Variants in KLHDC4 observed in about 807,000 individuals in gnomAD.
The protein encoded by KLHDC4 is kelch domain-containing protein 4.
In KLHDC4, 90 loss-of-function variants were observed where a neutral mutation model predicts 62.4. The ratio of observed to expected loss-of-function variants is 1.44; its 90% CI spans 1.22 to 1.72. KLHDC4 has a LOEUF of 1.72. Ranked by LOEUF, KLHDC4 falls within the 40% of genes most tolerant of loss-of-function variation. KLHDC4 has a pLI of 0.00. For synonymous variants in KLHDC4, 386 were observed against 284.4 expected, an observed-to-expected ratio of 1.36 and a Z score of -3.59; for missense variants, 1,025 against 699.7, an observed-to-expected ratio of 1.47 and a Z score of -5.25.
downstream of KLHDC4, among the ~76,000 whole-genome samples, chr16:87,707,220 C>T (rs1014465378): frequency 5.9e-5 from 9 of 152,214 alleles, no homozygotes; most frequent in Non-Finnish European, 1.0e-4. Context: ...CCTTCGGGGG[C>T]AAGGAGGCCG....
chr16:87,737,397 G>A lies in KLHDC4; in HGVS notation c.507-6753C>T, dbSNP rs534309971. Among the ~76,000 whole-genome samples the A allele has an allele frequency of 5.9e-5, 9 of 152,052 alleles. No homozygotes were observed. In the South Asian group the frequency reaches 1.9e-3, roughly 32 times the overall value. On this transcript the variant is annotated intron_variant, in intron 5 of 11. Coordinates refer to ENST00000270583, the MANE Select transcript of KLHDC4 (RefSeq NM_017566.4). Reference sequence around the variant, plus strand: ...GAAGTCAGGAGTTCAAGACCAGCCTGGCCAACATGGTGAAACCCCGACTCT... The same window carrying A: ...GAAGTCAGGAGTTCAAGACCAGCCTAGCCAACATGGTGAAACCCCGACTCT...
rs1234570048 is a variant in KLHDC4, at chr16:87,711,272, T to C, written c.1007A>G (p.Asp336Gly). The C allele has an allele frequency of 6.2e-7, 1 of 1,613,964 alleles. No homozygotes were observed. Among genetic ancestry groups the C allele is most frequent in the Non-Finnish European group, 8.5e-7 (1 of 1,180,020 alleles). The change falls in exon 9 of 12, where the codon GAC (aspartate) becomes GGC (glycine). Residue 336 changes from aspartate (D) to glycine (G), a missense_variant. Asp to Gly is a moderately conservative substitution (Grantham distance 94). Coordinates refer to ENST00000270583, the MANE Select transcript of KLHDC4 (RefSeq NM_017566.4). ...GEFFNDLYFYDATRNRWFEGQ... is the reference protein window; with the variant it reads ...GEFFNDLYFYGATRNRWFEGQ... ...CTCAAACCAACGGTTCCTGGTGGCG[T>C]CGTAGAAGTACAGATCGTTGAAGAA...
Position 87,752,556 on chromosome 16 carries a change from C to T in KLHDC4, c.369+2638G>A, listed in dbSNP as rs192948477. 2.6e-5 allele frequency among the ~76,000 whole-genome samples: 4 copies of T among 152,098 alleles called. No homozygotes were observed. In the East Asian group the frequency reaches 5.8e-4, roughly 22 times the overall value. ...TTCACCATGTTGGCCAGGATGGTCT[C>T]GATCTCCTGACCTTGTGATTCGCCC... On this transcript the variant is annotated intron_variant, in intron 4 of 11. Transcript: ENST00000270583.
intron 6 of KLHDC4, 123 bp downstream of exon 6, chr16:87,730,429 G>T: frequency 1.2e-6 from 1 of 805,780 alleles, no homozygotes; most frequent in Non-Finnish European, 2.0e-6. Context: ...GCTGCCCAAA[G>T]CTCATGAAGC....
At chr16:87,761,852 G>C (rs1292433663) in intron 2 of KLHDC4, 97 bp downstream of exon 2, 9 of 1,129,056 alleles carry the variant, frequency 8.0e-6, no homozygotes, top group African/African-American at 1.6e-5. Flanking sequence ...AATGTCCCAA[G>C]TGCCTGGTCA....
intron 6 of KLHDC4, among the ~76,000 whole-genome samples, chr16:87,728,044 A>G (rs1258582280): frequency 1.3e-5 from 2 of 152,092 alleles, no homozygotes; most frequent in Non-Finnish European, 2.9e-5. Context: ...AAAATTAGCC[A>G]AGCATGGGGG....
intron 10 of KLHDC4, 50 bp from the exon 11 acceptor site, chr16:87,708,516 T>TG: frequency 7.0e-7 from 1 of 1,430,150 alleles, no homozygotes. Context: ...CTGAGGCAGG[T>TG]GGGGGAGGCT....
At chr16:87,741,421 C>T (rs1244641383) in intron 5 of KLHDC4, among the ~76,000 whole-genome samples, 1 of 152,204 alleles carries the variant, frequency 6.6e-6, no homozygotes, top group Non-Finnish European at 1.5e-5. Flanking sequence ...CAGCATTAGA[C>T]TCTCACAGGA....
intron 5 of KLHDC4, 71 bp from the exon 6 acceptor site, chr16:87,730,715 A>C: frequency 1.5e-6 from 2 of 1,322,388 alleles, no homozygotes; most frequent in Non-Finnish European, 1.1e-6. Flanking sequence ...CGACAACAAC[A>C]AACAAAATCC....
chr16:87,722,596 T>TCTCTTCTCCGGGCTGAGAGACAATGGC (rs2038602836), intron 7 of KLHDC4, among the ~76,000 whole-genome samples: 1 of 152,172 alleles, frequency 6.6e-6, no homozygotes, highest in East Asian at 1.9e-4. Flanking sequence ...CCTGTGAGAC[T>TCTCTTCTCCGGGCTGAGAGACAATGGC]CTCTTCTCCG....
chr16:87,715,325 A>C (rs190758870), intron 7 of KLHDC4, among the ~76,000 whole-genome samples: 146 of 152,152 alleles, frequency 9.6e-4, no homozygotes, highest in African/African-American at 3.3e-3. Flanking sequence ...TAGTACCGAG[A>C]GCTCTCACAC....
chr16:87,702,334 G>A (rs760025608), exon 1 of KLHDC4: 1 of 455,088 alleles, frequency 2.2e-6, no homozygotes, highest in Non-Finnish European at 4.4e-6. Flanking sequence ...GTCAGGCTGA[G>A]AGAGGAAGAT....
intron 7 of KLHDC4, among the ~76,000 whole-genome samples, chr16:87,721,413 CT>C (rs1479206527): frequency 2.3e-5 from 2 of 88,198 alleles, no homozygotes; most frequent in Non-Finnish European, 4.7e-5. Flanking sequence ...GACTCTGTCT[CT>C]AAAAAAAAAA....
chr16:87,765,474 C>A, intron 1 of KLHDC4: 1 of 505,154 alleles, frequency 2.0e-6, no homozygotes, highest in South Asian at 1.7e-5. Flanking sequence ...ACCCAGCCTC[C>A]CTTCAGAGGG....
chr16:87,702,426 C>T (rs573418098), exon 1 of KLHDC4: 4 of 369,358 alleles, frequency 1.1e-5, no homozygotes, highest in African/African-American at 8.5e-5. Flanking sequence ...TGGGAACCCC[C>T]GGCTTTCTCG....
chr16:87,752,525 C>A (rs1434092197), intron 4 of KLHDC4, among the ~76,000 whole-genome samples: 1 of 151,880 alleles, frequency 6.6e-6, no homozygotes, highest in Non-Finnish European at 1.5e-5. Flanking sequence ...TTAGTAGAGA[C>A]GGGGTTTCAC....
rs548483622 is a variant in KLHDC4 at position 87,752,039 on chromosome 16, G to A, written c.369+3155C>T. Among the ~76,000 whole-genome samples, 10 of 128,090 alleles carry A rather than the reference G, an allele frequency of 7.8e-5. No individual in the cohort carries two copies. The East Asian group carries it at 1.0e-3, about 13-fold the overall frequency. 84.0% of individuals were successfully genotyped at this position (128,090 alleles called of 152,430 possible). On this transcript the variant is annotated intron_variant, in intron 4 of 11. Coordinates refer to ENST00000270583, the MANE Select transcript of KLHDC4 (RefSeq NM_017566.4). ...CGGGAGGCGGAGGTTGCAGTGAGCC[G>A]AGATCGCGCCACTGCACTCCAGCCT...
At chr16:87,744,297 C>T (rs565430264) in intron 5 of KLHDC4, among the ~76,000 whole-genome samples, 1 of 152,212 alleles carries the variant, frequency 6.6e-6, no homozygotes, top group Middle Eastern at 3.4e-3. Flanking sequence ...CATCTGTAAT[C>T]CCTGCTACTC....
intron 5 of KLHDC4, among the ~76,000 whole-genome samples, chr16:87,740,382 G>A (rs1407885151): frequency 1.3e-5 from 2 of 152,184 alleles, no homozygotes; most frequent in Non-Finnish European, 1.5e-5. Context: ...CAAGTTGTGG[G>A]GGTGGGGAGA....
Sources: allele counts gnomAD v4.1 joint callset (sites outside exome capture counted in the v4.1 genomes callset), GRCh38; gene constraint gnomAD v4.1.1; transcripts MANE v1.5; gene names NCBI Gene and HGNC (gene_info 2026-07-23, HGNC 2026-07-21).